Variants in TACC2 observed in about 807,000 individuals in gnomAD.
TACC2 encodes transforming acidic coiled-coil containing protein 2.
TACC2 carries 137 observed loss-of-function variants against 227.3 expected under a neutral mutation model. That is an observed-to-expected ratio of 0.60 (90% CI 0.52 to 0.69). The LOEUF (loss-of-function observed/expected upper bound fraction) is 0.69, where lower values mean the gene tolerates loss of function less well. Ranked by LOEUF, TACC2 falls within the 30% of genes least tolerant of loss-of-function variation. The pLI is 0.00. For synonymous variants in TACC2, 1,523 were observed against 1,487.5 expected (o/e 1.02, Z -0.55); for missense variants, 3,470 against 3,694.4 (o/e 0.94, Z 1.57).
At chr10:122,156,166 A>G (rs2139651109) in intron 7 of TACC2, among the ~76,000 whole-genome samples, 1 of 150,396 alleles carries the variant, frequency 6.6e-6, no homozygotes, top group East Asian at 2.0e-4. Context: ...TTAAGACTTC[A>G]CTCTGAAAAG....
At chr10:122,161,475 C>G (rs77485690) in intron 7 of TACC2, among the ~76,000 whole-genome samples, 6,833 of 152,198 alleles carry the variant, frequency 0.045, 413 homozygotes, top group African/African-American at 0.14. Flanking sequence ...TTTCCAATGC[C>G]CTTGCAAAAT....
At chr10:122,183,001 C>G (rs1031793156) in intron 7 of TACC2, among the ~76,000 whole-genome samples, 1 of 151,498 alleles carries the variant, frequency 6.6e-6, no homozygotes, top group Non-Finnish European at 1.5e-5. Context: ...GCCAGGAGTT[C>G]GAGACCAGCC....
chr10:122,026,749 C>G (rs1254358237), intron 2 of TACC2, among the ~76,000 whole-genome samples: 1 of 152,160 alleles, frequency 6.6e-6, no homozygotes, highest in Non-Finnish European at 1.5e-5. Context: ...TTCACATTGG[C>G]TTCTTTCACT....
rs1162433155 is a variant in TACC2, at chr10:122,211,576, C to T, written c.7151C>T (p.Ser2384Phe). Reference sequence around the variant, plus strand: ...GAGTCCGTTGACCCCTTTAAGACATCCTCTAAGACCCCCAGCTCACCTTCT... The same window carrying T: ...GAGTCCGTTGACCCCTTTAAGACATTCTCTAAGACCCCCAGCTCACCTTCT... ...CDESVDPFKT[S>F]SKTPSSPSKS... The change falls in exon 9 of 23, where the codon TCC becomes TTC. Residue 2384 changes from serine (S) to phenylalanine (F), a missense_variant. Physicochemically the swap from Ser to Phe is radical, Grantham distance 155. Transcript: ENST00000369005. 6.2e-7 allele frequency: 1 copy of T among 1,614,070 alleles called. No homozygotes were observed. Among genetic ancestry groups the T allele is most frequent in the Non-Finnish European group, 8.5e-7 (1 of 1,180,022 alleles).
chr10:122,152,140 T>C (rs1208415999), intron 7 of TACC2, among the ~76,000 whole-genome samples: 1 of 152,224 alleles, frequency 6.6e-6, no homozygotes, highest in African/African-American at 2.4e-5. Flanking sequence ...TGGTGGCTCT[T>C]TGAGGATGAC....
intron 7 of TACC2, among the ~76,000 whole-genome samples, chr10:122,179,178 G>C (rs2093868601): frequency 2.6e-5 from 4 of 152,234 alleles, no homozygotes; most frequent in Admixed American, 2.0e-4. Context: ...TAGTTCGTCA[G>C]CAAGAAGGTC....
intron 3 of TACC2, among the ~76,000 whole-genome samples, chr10:122,069,672 C>T (rs1278338615): frequency 6.6e-6 from 1 of 152,152 alleles, no homozygotes; most frequent in Non-Finnish European, 1.5e-5. Flanking sequence ...AACCTAGGCT[C>T]TCTGAAAACA....
At chr10:122,091,373 T>C (rs1157193166) in intron 5 of TACC2, among the ~76,000 whole-genome samples, 2 of 152,186 alleles carry the variant, frequency 1.3e-5, no homozygotes, top group Non-Finnish European at 1.5e-5. Context: ...CACTTATTTC[T>C]TTTTTCTGTT....
At chr10:122,165,013 A>G (rs1278169314) in intron 7 of TACC2, among the ~76,000 whole-genome samples, 2 of 152,070 alleles carry the variant, frequency 1.3e-5, no homozygotes, top group Admixed American at 1.3e-4. Flanking sequence ...CGGCGTAGTG[A>G]TGTAATGCTA....
At position 122,129,144 on chromosome 10, in the gene TACC2, G is replaced by A. The variant is rs193177248; in HGVS notation, c.5574-3465G>A. 5.3e-5 allele frequency among the ~76,000 whole-genome samples: 8 copies of A among 150,880 alleles called. No homozygotes were observed. In the East Asian group the frequency reaches 1.6e-3, roughly 29 times the overall value. On this transcript the variant is annotated intron_variant, in intron 5 of 22. Transcript: ENST00000369005. ...CACCCAGGCTGGAGTGCAATGGCAC[G>A]ATCTCTGCTCACTGCAATCTCCAAC...
intron 14 of TACC2, among the ~76,000 whole-genome samples, chr10:122,228,238 A>G (rs1412343460): frequency 2.0e-5 from 3 of 152,186 alleles, no homozygotes; most frequent in African/African-American, 4.8e-5. Context: ...TAAGTACTTT[A>G]TATGCCTTCA....
At chr10:122,028,068 T>TTTTCTTTCTTTCTTTCTTTTTTTTTTTTC (rs1958289500) in intron 2 of TACC2, among the ~76,000 whole-genome samples, 1 of 136,686 alleles carries the variant, frequency 7.3e-6, no homozygotes, top group African/African-American at 3.0e-5. Flanking sequence ...TTTTTTTCTT[T>TTTTCTTTCTTTCTTTCTTTTTTTTTTTTC]TTTCTTTCTT....
chr10:122,155,904 C>T (rs2092435429), intron 7 of TACC2, among the ~76,000 whole-genome samples: 1 of 130,898 alleles, frequency 7.6e-6, no homozygotes, highest in South Asian at 2.5e-4. Flanking sequence ...GTGGCGCAAT[C>T]TTGGCTCACT....
chr10:122,060,364 G>C (rs1361039253), intron 3 of TACC2, among the ~76,000 whole-genome samples: 1 of 152,204 alleles, frequency 6.6e-6, no homozygotes, highest in Non-Finnish European at 1.5e-5. Context: ...AACTAGGGCA[G>C]GGTTTCTCAA....
chr10:122,249,622 G>A lies in TACC2; in HGVS notation c.8739G>A (p.Glu2913=). Residue 2913 remains glutamate (E), a synonymous_variant, in exon 22 of 23, where the codon GAG becomes GAA. Coordinates refer to ENST00000369005, the MANE Select transcript of TACC2 (RefSeq NM_206862.4). ...CCCACCAGGCCAGCCTGCGGAAGGA[G>A]CAGCTGCGAGTGGACGCCCTGGAAA... ...QAAHQASLRK[E]QLRVDALERT... 1.2e-6 allele frequency: 2 copies of A among 1,613,958 alleles called. No homozygotes were observed. The highest frequency in any genetic ancestry group is 1.7e-6 in the Non-Finnish European group (2 of 1,179,956).
chr10:122,115,995 G>T (rs186929364), intron 5 of TACC2, among the ~76,000 whole-genome samples: 182 of 152,218 alleles, frequency 1.2e-3, no homozygotes, highest in African/African-American at 4.2e-3. Flanking sequence ...ATCCATTTTG[G>T]TGGCTAGCTG....
rs932746007 is a variant in TACC2, at chr10:122,211,079, T to C, written c.6654T>C (p.Ser2218=). Residue 2218 remains serine, a synonymous_variant, in exon 9 of 23, where the codon TCT becomes TCC. Coordinates refer to ENST00000369005, the MANE Select transcript of TACC2 (RefSeq NM_206862.4). ...CAGAAGGGGTTGTCCCCCCGGCTTC[T>C]GGAGGTGGCAGAGTGCAGAACTCAC... ...ESAEGVVPPA[S]GGGRVQNSPP... 6.2e-7 allele frequency: 1 copy of C among 1,612,702 alleles called. No homozygotes were observed.
chr10:122,184,909 G>T (rs1201352410), intron 7 of TACC2, among the ~76,000 whole-genome samples: 1 of 152,096 alleles, frequency 6.6e-6, no homozygotes, highest in Non-Finnish European at 1.5e-5. Context: ...TAGCGATGGG[G>T]GGTCTGTCCC....
chr10:122,052,696 A>AAG (rs1554982091), intron 3 of TACC2: 4 of 149,348 alleles, frequency 2.7e-5, no homozygotes, highest in Middle Eastern at 3.5e-3. Flanking sequence ...AAAAAAAAAA[A>AAG]AACAAACAGG....
Sources: allele counts gnomAD v4.1 joint callset (sites outside exome capture counted in the v4.1 genomes callset), GRCh38; gene constraint gnomAD v4.1.1; transcripts MANE v1.5; gene names NCBI Gene and HGNC (gene_info 2026-07-23, HGNC 2026-07-21).